TMEM132D: variants seen among roughly 807,000 people sequenced by gnomAD.
TMEM132D encodes mature OL transmembrane protein.
Under a neutral mutation model 62.3 loss-of-function variants are expected in TMEM132D, and 21 were observed. That is an observed-to-expected ratio of 0.34 (90% CI 0.24 to 0.49). The LOEUF (loss-of-function observed/expected upper bound fraction) is 0.49. Ranked by LOEUF, TMEM132D falls within the 20% of genes least tolerant of loss-of-function variation. The probability of loss-of-function intolerance (pLI) is 0.99; values close to 1 mark genes in which losing one functional copy is unlikely to be tolerated. For missense variants in TMEM132D, 1,346 were observed against 1,402.8 expected (o/e 0.96, Z 0.65); for synonymous variants, 621 against 575.6 (o/e 1.08, Z -1.13).
intron 3 of TMEM132D, among the ~76,000 whole-genome samples, chr12:129,433,440 T>C (rs1249845826): frequency 6.6e-6 from 1 of 152,210 alleles, no homozygotes; most frequent in Non-Finnish European, 1.5e-5. Flanking sequence ...TAAAATTGTT[T>C]ATTTCCCCTC....
chr12:129,409,001 C>T (rs1478108030), intron 3 of TMEM132D, among the ~76,000 whole-genome samples: 2 of 151,382 alleles, frequency 1.3e-5, no homozygotes, highest in Non-Finnish European at 2.9e-5. Context: ...GGTGTGATCT[C>T]GGCTCACTGC....
chr12:129,649,915 CGTGT>C (rs1437465669), intron 2 of TMEM132D, among the ~76,000 whole-genome samples: 8 of 149,410 alleles, frequency 5.4e-5, no homozygotes, highest in South Asian at 4.3e-4. Context: ...TCTATGTGTA[CGTGT>C]GTGTGTATGT....
At chr12:129,286,394 A>ACT (rs1881297581) in intron 4 of TMEM132D, among the ~76,000 whole-genome samples, 1 of 152,228 alleles carries the variant, frequency 6.6e-6, no homozygotes, top group African/African-American at 2.4e-5. Flanking sequence ...GGGCATGGGT[A>ACT]GTCTACTGGG....
At chr12:129,365,552 A>G (rs1870379220) in intron 3 of TMEM132D, among the ~76,000 whole-genome samples, 1 of 152,166 alleles carries the variant, frequency 6.6e-6, no homozygotes, top group Non-Finnish European at 1.5e-5. Flanking sequence ...AGGGATAATC[A>G]CATGTCAAAG....
At chr12:129,852,969 C>A (rs75440102) in intron 1 of TMEM132D, 1 of 152,140 alleles carries the variant, frequency 6.6e-6, no homozygotes, top group Non-Finnish European at 1.5e-5. Context: ...AATATCAAAT[C>A]TAAAATATTA....
At chr12:129,562,048 G>A (rs747843193) in intron 2 of TMEM132D, among the ~76,000 whole-genome samples, 1 of 152,130 alleles carries the variant, frequency 6.6e-6, no homozygotes, top group Admixed American at 6.5e-5. Context: ...AAACCTTCTT[G>A]AGGAACATTT....
intron 5 of TMEM132D, among the ~76,000 whole-genome samples, chr12:129,198,792 C>T (rs11060193): frequency 0.21 from 31,664 of 151,894 alleles, 3,782 homozygotes; most frequent in East Asian, 0.5. Context: ...TTCAACTGTC[C>T]TCACTACAAA....
chr12:129,096,133 AACCC>A (rs1306027825), intron 5 of TMEM132D, among the ~76,000 whole-genome samples: 12 of 152,308 alleles, frequency 7.9e-5, no homozygotes, highest in Non-Finnish European at 1.3e-4. Flanking sequence ...TTGTGACAGT[AACCC>A]AGCAAGGTAG....
intron 2 of TMEM132D, among the ~76,000 whole-genome samples, chr12:129,682,316 A>T (rs1185783383): frequency 2.0e-5 from 3 of 152,154 alleles, no homozygotes; most frequent in South Asian, 4.1e-4. Context: ...TATACTCCAC[A>T]ACACCTGGAC....
intron 5 of TMEM132D, among the ~76,000 whole-genome samples, chr12:129,153,200 A>G (rs963321720): frequency 6.6e-6 from 1 of 151,940 alleles, no homozygotes; most frequent in Non-Finnish European, 1.5e-5. Flanking sequence ...CCACACACCT[A>G]TTTTGTGTGC....
At chr12:129,078,393 G>A (rs1334299351) in intron 8 of TMEM132D, 141 bp downstream of exon 8, 2 of 761,896 alleles carry the variant, frequency 2.6e-6, no homozygotes, top group Non-Finnish European at 4.2e-6. Flanking sequence ...TGCTTCAGAA[G>A]AGCCCTTTGC....
chr12:129,093,071 A>C (rs1874983559), intron 5 of TMEM132D, among the ~76,000 whole-genome samples: 1 of 152,254 alleles, frequency 6.6e-6, no homozygotes, highest in Non-Finnish European at 1.5e-5. Flanking sequence ...ACACAGTTCC[A>C]AATGGATGCC....
At chr12:129,882,436 C>A (rs374108894) in intron 1 of TMEM132D, among the ~76,000 whole-genome samples, 1 of 151,920 alleles carries the variant, frequency 6.6e-6, no homozygotes, top group African/African-American at 2.4e-5. Flanking sequence ...TTGGGTTTGA[C>A]GAGGAAAATA....
chr12:129,194,240 G>C (rs1034227984), intron 5 of TMEM132D, among the ~76,000 whole-genome samples: 1 of 152,128 alleles, frequency 6.6e-6, no homozygotes, highest in Non-Finnish European at 1.5e-5. Context: ...CCTCACCCCT[G>C]TTTTCTTATC....
chr12:129,886,934 T>G (rs1818474), intron 1 of TMEM132D, among the ~76,000 whole-genome samples: 150,227 of 152,196 alleles, frequency 0.99, 74,176 homozygotes, highest in South Asian at 1. Context: ...TGTTTACTTC[T>G]CCTTCCACCA....
rs192685956 is a variant in TMEM132D at position 129,649,844 on chromosome 12, G to A, written c.968+49966C>T. 5.4e-5 allele frequency among the ~76,000 whole-genome samples: 8 copies of A among 148,734 alleles called. No homozygotes were observed. In the East Asian group the frequency reaches 7.9e-4, roughly 15 times the overall value. On this transcript the variant is annotated intron_variant, in intron 2 of 8. Coordinates refer to ENST00000422113, the MANE Select transcript of TMEM132D (RefSeq NM_133448.3). ...TATATGTGCGTATGTGCATGTATTT[G>A]TATGTTTGTATATGTGTATGTATGT...
intron 4 of TMEM132D, chr12:129,212,171 C>T (rs577534505): frequency 2.6e-5 from 4 of 152,124 alleles, no homozygotes; most frequent in African/African-American, 7.2e-5. Flanking sequence ...AATCAAAAGG[C>T]CTTTCATGTT....
At chr12:129,130,921 C>T (rs1459649955) in intron 5 of TMEM132D, among the ~76,000 whole-genome samples, 2 of 152,178 alleles carry the variant, frequency 1.3e-5, no homozygotes, top group Non-Finnish European at 2.9e-5. Flanking sequence ...GTCTGGGGAG[C>T]TTTAAAAATG....
At chr12:129,464,825 A>G (rs891211549) in intron 3 of TMEM132D, among the ~76,000 whole-genome samples, 5 of 151,972 alleles carry the variant, frequency 3.3e-5, no homozygotes, top group Non-Finnish European at 5.9e-5. Context: ...TGTTCCATTG[A>G]TCTATATCTC....
Sources: allele counts gnomAD v4.1 joint callset (sites outside exome capture counted in the v4.1 genomes callset), GRCh38; gene constraint gnomAD v4.1.1; transcripts MANE v1.5; gene names NCBI Gene and HGNC (gene_info 2026-07-23, HGNC 2026-07-21).